The following ADAMTSL1 variants were observed in gnomAD, a reference collection of about 807,000 sequenced individuals.
The protein encoded by ADAMTSL1 is ADAMTS like 1.
In ADAMTSL1, 126 loss-of-function variants were observed where a neutral mutation model predicts 201.8. The observed-to-expected ratio is 0.62, with a 90% CI of 0.54 to 0.72. The LOEUF (loss-of-function observed/expected upper bound fraction) is 0.72. ADAMTSL1 is among the 30% of genes least tolerant of loss of function. The pLI is 0.00. For missense variants in ADAMTSL1, 2,679 were observed against 2,277.8 expected, an observed-to-expected ratio of 1.18 and a Z score of -3.59; for synonymous variants, 1,121 against 903.4, an observed-to-expected ratio of 1.24 and a Z score of -4.32.
intron 2 of ADAMTSL1, among the ~76,000 whole-genome samples, chr9:18,199,516 G>A (rs1225863054): frequency 1.3e-5 from 2 of 152,014 alleles, no homozygotes; most frequent in Non-Finnish European, 2.9e-5. Flanking sequence ...TCTTTTTGAA[G>A]TGACCTAAGA....
chr9:18,674,169 A>T (rs377520147), intron 9 of ADAMTSL1, among the ~76,000 whole-genome samples: 1 of 150,746 alleles, frequency 6.6e-6, no homozygotes, highest in Non-Finnish European at 1.5e-5. Context: ...TTTCTTATAC[A>T]TTGTTACTGA....
intron 1 of ADAMTSL1, among the ~76,000 whole-genome samples, chr9:18,494,474 T>C (rs1298338333): frequency 6.6e-6 from 1 of 151,578 alleles, no homozygotes; most frequent in African/African-American, 2.4e-5. Flanking sequence ...TCAAATGAAA[T>C]AAAAAGATGT....
intron 2 of ADAMTSL1, among the ~76,000 whole-genome samples, chr9:18,422,542 A>G (rs1017552210): frequency 1.3e-5 from 2 of 152,252 alleles, no homozygotes; most frequent in Admixed American, 1.3e-4. Context: ...CACAGACAAC[A>G]GGCTCCGCTA....
intron 2 of ADAMTSL1, among the ~76,000 whole-genome samples, chr9:18,317,636 C>T (rs1563882933): frequency 6.6e-6 from 1 of 152,216 alleles, no homozygotes; most frequent in Non-Finnish European, 1.5e-5. Context: ...TGAAAGCCTG[C>T]TAAAAGGCCT....
At chr9:18,189,534 G>A (rs1006267033) in intron 2 of ADAMTSL1, among the ~76,000 whole-genome samples, 3 of 151,868 alleles carry the variant, frequency 2.0e-5, no homozygotes, top group African/African-American at 4.8e-5. Context: ...AAGATTTAAC[G>A]CCCTTTTCCA....
chr9:18,353,474 A>G (rs1026285016), intron 2 of ADAMTSL1, among the ~76,000 whole-genome samples: 5 of 152,130 alleles, frequency 3.3e-5, no homozygotes, highest in Admixed American at 3.3e-4. Flanking sequence ...GGCTAAAAGG[A>G]TTTTTTGGCA....
intron 1 of ADAMTSL1, among the ~76,000 whole-genome samples, chr9:18,088,744 G>T (rs1171323675): frequency 1.3e-5 from 2 of 152,146 alleles, no homozygotes; most frequent in Admixed American, 6.6e-5. Flanking sequence ...AACAATGTTG[G>T]TAAGTTTGTG....
chr9:18,887,445 T>A (rs528839391), intron 23 of ADAMTSL1, among the ~76,000 whole-genome samples: 1 of 152,322 alleles, frequency 6.6e-6, no homozygotes, highest in Admixed American at 6.5e-5. Flanking sequence ...TAGTATGGTA[T>A]TTTTTCCCAA....
intron 2 of ADAMTSL1, among the ~76,000 whole-genome samples, chr9:18,303,554 A>G (rs1364654865): frequency 6.6e-6 from 1 of 152,100 alleles, no homozygotes; most frequent in Non-Finnish European, 1.5e-5. Flanking sequence ...AGTCACTGTG[A>G]GTGGGTTTCA....
intron 2 of ADAMTSL1, among the ~76,000 whole-genome samples, chr9:18,250,798 G>C (rs960527195): frequency 3.2e-4 from 49 of 152,152 alleles, no homozygotes; most frequent in African/African-American, 1.1e-3. Context: ...CCTCATTCCT[G>C]AATGAATTCC....
intron 1 of ADAMTSL1, among the ~76,000 whole-genome samples, chr9:18,060,933 T>A (rs912987391): frequency 6.6e-6 from 1 of 152,188 alleles, no homozygotes; most frequent in Admixed American, 6.6e-5. Flanking sequence ...ATCACAGAAA[T>A]TAAACAGGTA....
intron 22 of ADAMTSL1, among the ~76,000 whole-genome samples, chr9:18,828,215 C>G (rs1824714194): frequency 2.0e-5 from 3 of 152,148 alleles, no homozygotes; most frequent in Admixed American, 2.0e-4. Flanking sequence ...GTGGCCTCTA[C>G]CCCTGGAGAA....
intron 23 of ADAMTSL1, among the ~76,000 whole-genome samples, chr9:18,832,775 T>C (rs2131275900): frequency 1.3e-5 from 2 of 152,320 alleles, no homozygotes; most frequent in Middle Eastern, 3.4e-3. Flanking sequence ...AGCCTTGTTG[T>C]AGCCAGTGAG....
chr9:18,488,624 G>T (rs1394135100), intron 1 of ADAMTSL1, among the ~76,000 whole-genome samples: 1 of 152,066 alleles, frequency 6.6e-6, no homozygotes, highest in East Asian at 1.9e-4. Flanking sequence ...TACCTCAAAG[G>T]ATCATTGTGA....
intron 2 of ADAMTSL1, among the ~76,000 whole-genome samples, chr9:18,410,475 G>A (rs1818391588): frequency 6.6e-6 from 1 of 152,106 alleles, no homozygotes; most frequent in African/African-American, 2.4e-5. Flanking sequence ...AACATGTGGT[G>A]TTTGGTTTTC....
At chr9:18,267,683 T>C (rs1223577698) in intron 2 of ADAMTSL1, among the ~76,000 whole-genome samples, 1 of 151,726 alleles carries the variant, frequency 6.6e-6, no homozygotes, top group Non-Finnish European at 1.5e-5. Flanking sequence ...CTTTAATAAG[T>C]ATTTTTTAAT....
intron 15 of ADAMTSL1, among the ~76,000 whole-genome samples, chr9:18,733,831 C>G (rs1431838975): frequency 6.6e-6 from 1 of 151,858 alleles, no homozygotes; most frequent in East Asian, 1.9e-4. Context: ...CCCAGCTGAC[C>G]CTTCTCTGTC....
chr9:18,749,860 G>A (rs1213015947), intron 15 of ADAMTSL1, among the ~76,000 whole-genome samples: 1 of 152,216 alleles, frequency 6.6e-6, no homozygotes, highest in African/African-American at 2.4e-5. Context: ...AGGCAGATAT[G>A]TCTGTTTTGT....
intron 1 of ADAMTSL1, among the ~76,000 whole-genome samples, chr9:18,016,129 G>C (rs1199032489): frequency 6.6e-6 from 1 of 152,068 alleles, no homozygotes; most frequent in Non-Finnish European, 1.5e-5. Context: ...AAACATAAGA[G>C]AGAGAGTCAG....
Sources: allele counts gnomAD v4.1 joint callset (sites outside exome capture counted in the v4.1 genomes callset), GRCh38; gene constraint gnomAD v4.1.1; transcripts MANE v1.5; gene names NCBI Gene and HGNC (gene_info 2026-07-23, HGNC 2026-07-21).